Variants in PRELID2 observed in about 807,000 individuals in gnomAD.
PRELID2 encodes the protein PRELI domain containing 2.
In PRELID2, 25 loss-of-function variants were observed where a neutral mutation model predicts 28.4. That is an observed-to-expected ratio of 0.88 (90% CI 0.64 to 1.23). PRELID2 has a LOEUF of 1.23. PRELID2 is among the 50% of genes most tolerant of loss of function. PRELID2 has a pLI of 0.00. For missense variants in PRELID2, 201 were observed against 214.4 expected, an observed-to-expected ratio of 0.94 and a Z score of 0.39; for synonymous variants, 76 against 71.6, an observed-to-expected ratio of 1.06 and a Z score of -0.31.
intron 1 of PRELID2, among the ~76,000 whole-genome samples, chr5:145,702,116 A>G (rs1289094020): frequency 1.3e-5 from 2 of 151,964 alleles, no homozygotes; most frequent in African/African-American, 2.4e-5. Flanking sequence ...TTATTAATAT[A>G]TTGATTTATA....
Position 145,769,799 on chromosome 5 carries a change from A to AT in PRELID2, c.475-4800dup, listed in dbSNP as rs199698866. On this transcript the variant is annotated intron_variant, in intron 5 of 6. Transcript: ENST00000683046. ...GAAGCTACGTGGAACAGGGATGCAG[A>AT]TAAGACAAGAAGCCTGCACTCAATG... is the stretch of plus-strand genomic sequence containing the variant. Among the ~76,000 whole-genome samples, 95 of 152,370 alleles carry AT rather than the reference A, an allele frequency of 6.2e-4. No individual in the cohort carries two copies. In the East Asian group the frequency reaches 0.016, roughly 26 times the overall value.
chr5:145,698,875 C>T (rs368952291), intron 1 of PRELID2, among the ~76,000 whole-genome samples: 21 of 152,080 alleles, frequency 1.4e-4, no homozygotes, highest in African/African-American at 4.8e-4. Context: ...TACAGGCATG[C>T]GCCACCATGC....
chr5:145,458,410 A>T, the PRELID2 span, among the ~76,000 whole-genome samples: 3 of 152,220 alleles, frequency 2.0e-5, no homozygotes, highest in South Asian at 6.2e-4. Context: ...TAAATAGCTT[A>T]AAAATAATGT....
At chr5:145,302,129 T>C in the PRELID2 span, among the ~76,000 whole-genome samples, 1 of 152,006 alleles carries the variant, frequency 6.6e-6, no homozygotes, top group Non-Finnish European at 1.5e-5. Context: ...TTCTCATTTA[T>C]GTAGATCTTT....
At chr5:145,574,460 C>A (rs572887684) in intron 1 of PRELID2, among the ~76,000 whole-genome samples, 4 of 152,198 alleles carry the variant, frequency 2.6e-5, no homozygotes, top group Non-Finnish European at 4.4e-5. Flanking sequence ...CCAAACGTAA[C>A]CCTCTATCTA....
At chr5:145,521,307 C>G (rs1752561178) in intron 1 of PRELID2, among the ~76,000 whole-genome samples, 1 of 152,102 alleles carries the variant, frequency 6.6e-6, no homozygotes, top group Non-Finnish European at 1.5e-5. Context: ...ACCATCTATC[C>G]CAGAGTCTTA....
chr5:145,499,669 C>T (rs750182065), intron 1 of PRELID2, among the ~76,000 whole-genome samples: 4 of 152,048 alleles, frequency 2.6e-5, no homozygotes, highest in African/African-American at 4.8e-5. Context: ...CTCTGCCCAG[C>T]GATAGAAGAA....
intron 5 of PRELID2, among the ~76,000 whole-genome samples, chr5:145,767,174 A>C (rs560429175): frequency 7.7e-6 from 1 of 130,092 alleles, no homozygotes; most frequent in East Asian, 2.6e-4. Context: ...CCACTGGTGG[A>C]GTGGCAGAGC....
At chr5:145,393,601 GT>G in the PRELID2 span, among the ~76,000 whole-genome samples, 1 of 152,146 alleles carries the variant, frequency 6.6e-6, no homozygotes, top group South Asian at 2.1e-4. Context: ...GACAGCTGGC[GT>G]TTGCCTTATT....
At chr5:145,599,494 C>A (rs193058573) in intron 1 of PRELID2, among the ~76,000 whole-genome samples, 1 of 152,220 alleles carries the variant, frequency 6.6e-6, no homozygotes, top group East Asian at 1.9e-4. Context: ...CCTATCTCGG[C>A]CAATAGCCAT....
At chr5:145,504,921 G>T (rs17476939) in intron 1 of PRELID2, among the ~76,000 whole-genome samples, 10 of 152,034 alleles carry the variant, frequency 6.6e-5, no homozygotes, top group Non-Finnish European at 1.5e-4. Context: ...ATATATTCTT[G>T]TTCACTTCAC....
At chr5:145,229,461 A>G in the PRELID2 span, 1 of 900,748 alleles carries the variant, frequency 1.1e-6, no homozygotes, top group Non-Finnish European at 1.8e-6. Context: ...GACCCAGCCA[A>G]AGCCCCCAAC....
rs1193372242 is a variant in PRELID2, at chr5:145,825,920, T to C, written c.76-2786A>G. The C allele has an allele frequency of 2.9e-5, 18 of 620,690 alleles. No homozygotes were observed. The Admixed American group carries it at 1.1e-3, about 37-fold the overall frequency. 38.4% of individuals were successfully genotyped at this position (620,690 alleles called of 1,614,324 possible). ...ACCTGAATATTCATGTTTTAATTCA[T>C]GAAAATTTACCAAAACTCCCATGAG... On this transcript the variant is annotated intron_variant, in intron 1 of 6. Transcript: ENST00000683046.
chr5:145,294,307 T>A, the PRELID2 span, among the ~76,000 whole-genome samples: 1 of 152,210 alleles, frequency 6.6e-6, no homozygotes, highest in Admixed American at 6.5e-5. Context: ...GCTAATGAAT[T>A]AATCTTCTGA....
At chr5:145,466,841 C>T (rs1752006884), downstream of PRELID2, among the ~76,000 whole-genome samples, 3 of 152,096 alleles carry the variant, frequency 2.0e-5, no homozygotes, top group South Asian at 6.2e-4. Flanking sequence ...AAGCCACACT[C>T]AACCTAGAAC....
At chr5:145,566,776 G>A (rs890932180) in intron 1 of PRELID2, among the ~76,000 whole-genome samples, 7 of 149,426 alleles carry the variant, frequency 4.7e-5, no homozygotes, top group Non-Finnish European at 8.9e-5. Flanking sequence ...GGAGGCGGAG[G>A]TTGCAGTGAA....
the PRELID2 span, among the ~76,000 whole-genome samples, chr5:145,321,753 A>C: frequency 2.0e-5 from 3 of 152,220 alleles, no homozygotes; most frequent in Non-Finnish European, 4.4e-5. Context: ...GAAGGGAGAA[A>C]TACAAAACTA....
At chr5:145,238,991 A>G in the PRELID2 span, among the ~76,000 whole-genome samples, 1 of 151,736 alleles carries the variant, frequency 6.6e-6, no homozygotes, top group Non-Finnish European at 1.5e-5. Context: ...CTATCTGTCT[A>G]TCTATCTATC....
chr5:145,708,613 C>T (rs1755609803), intron 1 of PRELID2, among the ~76,000 whole-genome samples: 1 of 152,058 alleles, frequency 6.6e-6, no homozygotes, highest in Admixed American at 6.6e-5. Context: ...TTTTTTTCAA[C>T]TATTCTCTAC....
Sources: allele counts gnomAD v4.1 joint callset (sites outside exome capture counted in the v4.1 genomes callset), GRCh38; gene constraint gnomAD v4.1.1; transcripts MANE v1.5; gene names NCBI Gene and HGNC (gene_info 2026-07-23, HGNC 2026-07-21).